Variants in ASAH1 observed in about 807,000 individuals in gnomAD.
ASAH1 encodes N-acylsphingosine amidohydrolase 1.
In ASAH1, 70 loss-of-function variants were observed where a neutral mutation model predicts 59.5. The observed-to-expected ratio is 1.18, with a 90% CI of 0.97 to 1.43. ASAH1 has a LOEUF of 1.43. ASAH1 is among the 40% of genes most tolerant of loss of function. ASAH1 has a pLI of 0.00. For synonymous variants in ASAH1, 213 were observed against 166.5 expected (o/e 1.28, Z -2.15); for missense variants, 660 against 482.5 (o/e 1.37, Z -3.45).
At chr8:18,083,865 A>G (rs911788125) in intron 1 of ASAH1, 116 bp downstream of exon 1, 5 of 1,520,980 alleles carry the variant, frequency 3.3e-6, no homozygotes, top group Non-Finnish European at 4.4e-6. Flanking sequence ...AGACCCCCGT[A>G]AAGAAGCTGC....
rs4921565 is a variant in ASAH1, at chr8:18,064,301, G to C, written c.457+156C>G. ...AGTCTGAAAATAAGGAAAATTTTCA[G>C]TACAATCACAAAATTTTACCAAGAA... On this transcript the variant is annotated intron_variant, in intron 6 of 13. Coordinates refer to ENST00000637790, the MANE Select transcript of ASAH1 (RefSeq NM_177924.5). The C allele has an allele frequency of 0.078, 52,838 of 675,114 alleles. 7,329 individuals carry two copies. Among genetic ancestry groups the C allele is most frequent in the African/African-American group, 0.4 (22,001 of 55,174 alleles). The allele number at this position is 675,114 out of a possible 1,614,324, so 41.8% of individuals were successfully genotyped here.
intron 9 of ASAH1, 57 bp from the exon 10 acceptor site, chr8:18,061,515 C>T: frequency 6.6e-7 from 1 of 1,506,392 alleles, no homozygotes; most frequent in Admixed American, 1.7e-5. Flanking sequence ...TGTAACCAGT[C>T]AGGACCCGGA....
rs769278694 is a variant in ASAH1, at chr8:18,075,001, C to CTTTTTTTTTTTTTTTTT, written c.125+539_125+540insAAAAAAAAAAAAAAAAA. Among the ~76,000 whole-genome samples, 112 of 148,498 alleles carry CTTTTTTTTTTTTTTTTT rather than the reference C, an allele frequency of 7.5e-4. 1 individual carries two copies. The highest frequency in any genetic ancestry group is 8.6e-4 in the South Asian group (4 of 4,642). On this transcript the variant is annotated intron_variant, in intron 2 of 13. Coordinates refer to ENST00000637790, the MANE Select transcript of ASAH1 (RefSeq NM_177924.5). Reference sequence around the variant, plus strand: ...ATTGAGTGGAGAATGAAAATCCTTTCCTTTTTTTTTTTGAGACAGAGTCTC... The same window carrying CTTTTTTTTTTTTTTTTT: ...ATTGAGTGGAGAATGAAAATCCTTTCTTTTTTTTTTTTTTTTTCTTTTTTTTTTTGAGACAGAGTCTC...
chr8:18,062,274 C>G lies in ASAH1; in HGVS notation c.648+5G>C, dbSNP rs1799735312. On this transcript the variant is annotated splice_donor_5th_base_variant and intron_variant, in intron 8 of 13. Coordinates refer to ENST00000637790, the MANE Select transcript of ASAH1 (RefSeq NM_177924.5). ...TGTATAATTATGTAACAACAGACTC[C>G]TTACTGGTTTGAATCCTGTTAACAT... The G allele has an allele frequency of 2.5e-6, 4 of 1,614,152 alleles. No individual in the cohort carries two copies. Among genetic ancestry groups the G allele is most frequent in the Non-Finnish European group, 3.4e-6 (4 of 1,180,026 alleles).
At position 18,063,215 on chromosome 8, in the gene ASAH1, C is replaced by T; in HGVS notation, c.473G>A (p.Gly158Glu). The T allele has an allele frequency of 6.2e-7, 1 of 1,613,714 alleles. No individual in the cohort carries two copies. The highest frequency in any genetic ancestry group is 8.5e-7 in the Non-Finnish European group (1 of 1,179,728). ...AEDKKGHLIH[G>E]RNMDFGVFLG... ...AAATACTCCAAAATCCATGTTTCTC[C>T]CATGTATTAGATGACCTATTTGAAG... The change falls in exon 7 of 14, where the codon GGG (glycine) becomes GAG (glutamate). Residue 158 changes from glycine to glutamate, a missense_variant. Physicochemically the swap from Gly to Glu is moderately conservative, Grantham distance 98 (BLOSUM62 -2). Transcript: ENST00000637790.
chr8:18,073,383 A>C, intron 2 of ASAH1: 8 of 1,107,238 alleles, frequency 7.2e-6, no homozygotes, highest in Non-Finnish European at 1.0e-5. Context: ...AAGAAATATC[A>C]TTTCATCATT....
At chr8:18,078,396 C>A (rs1800501727) in intron 1 of ASAH1, among the ~76,000 whole-genome samples, 1 of 152,098 alleles carries the variant, frequency 6.6e-6, no homozygotes, top group Non-Finnish European at 1.5e-5. Context: ...TAGCAATAAA[C>A]AAACGTGAAA....
At chr8:18,076,559 T>C (rs1316943326) in intron 1 of ASAH1, 3 of 152,244 alleles carry the variant, frequency 2.0e-5, no homozygotes, top group Non-Finnish European at 4.4e-5. Flanking sequence ...TGTCTTTATC[T>C]CCTTTCCTCT....
chr8:18,084,808 G>A, upstream of ASAH1: 2 of 1,612,984 alleles, frequency 1.2e-6, no homozygotes, highest in South Asian at 2.2e-5. Context: ...TCATTAAGCG[G>A]CTGTGTTTCC....
At chr8:18,081,463 C>G (rs1217506651) in intron 1 of ASAH1, among the ~76,000 whole-genome samples, 1 of 152,184 alleles carries the variant, frequency 6.6e-6, no homozygotes, top group Admixed American at 6.5e-5. Context: ...CAGATCCTCC[C>G]ATTTTTTAGG....
At chr8:18,083,912 C>A in intron 1 of ASAH1, 69 bp downstream of exon 1, 1 of 1,550,164 alleles carries the variant, frequency 6.5e-7, no homozygotes, top group South Asian at 1.2e-5. Context: ...CTCGCGCCGC[C>A]ACACCTGCGC....
chr8:18,061,026 T>A (rs1161213761), intron 10 of ASAH1: 5 of 231,700 alleles, frequency 2.2e-5, no homozygotes, highest in Non-Finnish European at 4.3e-5. Context: ...GCGTGAGGAT[T>A]ACAGGCATAA....
intron 7 of ASAH1, 134 bp from the exon 8 acceptor site, chr8:18,062,557 A>G: frequency 1.0e-6 from 1 of 987,648 alleles, no homozygotes; most frequent in South Asian, 1.4e-5. Context: ...AGACCTTTAC[A>G]ATATGGTATA....
Position 18,059,325 on chromosome 8 carries a change from G to A in ASAH1, c.1041+16C>T. 1 of 1,614,082 alleles carries A rather than the reference G, an allele frequency of 6.2e-7. No homozygotes were observed. The highest frequency in any genetic ancestry group is 2.2e-5 in the East Asian group (1 of 44,880). On this transcript the variant is annotated intron_variant, in intron 12 of 13. Coordinates refer to ENST00000637790, the MANE Select transcript of ASAH1 (RefSeq NM_177924.5). ...ATGGCAACAGTTTCTTTCTATAGAT[G>A]ACCCTGCAAAGGTACCTCTTGGCTG...
At chr8:18,083,640 C>A (rs539114969) in intron 1 of ASAH1, among the ~76,000 whole-genome samples, 237 of 152,360 alleles carry the variant, frequency 1.6e-3, no homozygotes, top group African/African-American at 5.7e-3. Flanking sequence ...CACAGGTCCA[C>A]CGGAACATTT....
At chr8:18,061,854 G>A (rs1799715732) in intron 8 of ASAH1, 114 bp from the exon 9 acceptor site, 1 of 983,670 alleles carries the variant, frequency 1.0e-6, no homozygotes, top group African/African-American at 1.6e-5. Flanking sequence ...AATGGGGAAG[G>A]CAAAAATAAA....
intron 5 of ASAH1, 23 bp from the exon 6 acceptor site, chr8:18,064,554 G>C: frequency 7.5e-7 from 1 of 1,331,634 alleles, no homozygotes. Context: ...AAAATTTTGT[G>C]TTAATATACA....
In ASAH1 at chr8:18,057,440, T is replaced by C. The variant is rs1029294403; in HGVS notation, c.*94A>G. 1.6e-5 allele frequency: 15 copies of C among 961,320 alleles called. No individual in the cohort carries two copies. The highest frequency in any genetic ancestry group is 1.3e-4 in the African/African-American group (8 of 61,322). 59.5% of individuals were successfully genotyped at this position (961,320 alleles called of 1,614,324 possible). A position where few individuals can be genotyped will look rare whatever the true frequency, so the allele number is the denominator to read the frequency against. The stretch of plus-strand genomic sequence containing the variant: ...CTCAAAGAGAACCTGCCGCGAGTCT[T>C]AGTCTTTGGAAGGTCAGACAGCTGC... On this transcript the variant is annotated 3_prime_UTR_variant, in exon 14 of 14. Transcript: ENST00000637790.
chr8:18,067,141 G>GTT, intron 5 of ASAH1, 79 bp downstream of exon 5: 6 of 1,163,076 alleles, frequency 5.2e-6, no homozygotes, highest in Non-Finnish European at 7.4e-6. Context: ...CACCTGTGCT[G>GTT]TATGTATATC....
Sources: gnomAD v4.1 joint callset for allele counts (sites outside exome capture counted in the v4.1 genomes callset) on GRCh38, gnomAD v4.1.1 for gene constraint, MANE v1.5 for transcripts, NCBI Gene and HGNC (gene_info 2026-07-23, HGNC 2026-07-21) for gene names.